The following PCDHGA3 variants were observed in gnomAD, a reference collection of about 807,000 sequenced individuals.
The protein encoded by PCDHGA3 is protocadherin gamma subfamily A, 3.
In PCDHGA3, 40 loss-of-function variants were observed where a neutral mutation model predicts 58.5. The observed-to-expected ratio is 0.68, with a 90% CI of 0.53 to 0.89. The LOEUF (loss-of-function observed/expected upper bound fraction) is 0.89, where lower values mean the gene tolerates loss of function less well. Ranked by LOEUF, PCDHGA3 falls within the 40% of genes least tolerant of loss-of-function variation. The probability of loss-of-function intolerance (pLI) is 0.00; values close to 1 mark genes in which losing one functional copy is unlikely to be tolerated. For synonymous variants in PCDHGA3, 530 were observed against 525.7 expected, an observed-to-expected ratio of 1.01 and a Z score of -0.11; for missense variants, 1,223 against 1,195.9, an observed-to-expected ratio of 1.02 and a Z score of -0.33.
chr5:141,405,822 T>C (rs1055689569), intron 1 of PCDHGA3, among the ~76,000 whole-genome samples: 2 of 151,888 alleles, frequency 1.3e-5, no homozygotes, highest in African/African-American at 4.8e-5. Flanking sequence ...CTGTCTGTAC[T>C]TAAGGTAGTA....
chr5:141,366,268 C>T (rs1426955979), intron 1 of PCDHGA3: 1 of 1,613,718 alleles, frequency 6.2e-7, no homozygotes, highest in Non-Finnish European at 8.5e-7. Flanking sequence ...TGGTGGCCGT[C>T]GAAGACCATG....
intron 1 of PCDHGA3, among the ~76,000 whole-genome samples, chr5:141,457,343 T>C (rs1372992422): frequency 6.6e-6 from 1 of 152,240 alleles, no homozygotes; most frequent in African/African-American, 2.4e-5. Flanking sequence ...TTACTTACTT[T>C]CATTACCTGG....
chr5:141,436,035 A>G (rs957896521), intron 1 of PCDHGA3, among the ~76,000 whole-genome samples: 3 of 152,178 alleles, frequency 2.0e-5, no homozygotes, highest in Non-Finnish European at 4.4e-5. Flanking sequence ...CTAAATTTGT[A>G]TTTACATTAG....
chr5:141,390,118 C>G, intron 1 of PCDHGA3: 2 of 1,614,036 alleles, frequency 1.2e-6, no homozygotes, highest in Non-Finnish European at 1.7e-6. Context: ...AGCGAGGGGA[C>G]TTTGCCTTAT....
chr5:141,360,210 C>G (rs748051773), intron 1 of PCDHGA3: 2 of 1,613,122 alleles, frequency 1.2e-6, no homozygotes, highest in East Asian at 2.2e-5. Flanking sequence ...TGTCTTTGTT[C>G]CCCGGGGCTC....
intron 1 of PCDHGA3, among the ~76,000 whole-genome samples, chr5:141,401,128 G>C (rs1271194736): frequency 6.6e-6 from 1 of 152,166 alleles, no homozygotes; most frequent in African/African-American, 2.4e-5. Context: ...TGGATCACAT[G>C]GTCAGGAGTT....
In PCDHGA3 at chr5:141,485,520, T is replaced by G. The variant is rs2099615008; in HGVS notation, c.2425-9287T>G. On this transcript the variant is annotated intron_variant, in intron 1 of 3. Transcript: ENST00000253812. This position sits in a 1 kb window ranked among gnomAD's most constrained non-coding sequence, Gnocchi z 5.7. ...TTTGTCACCGAAGGTCCTTTGGAAA[T>G]GTACCGAGCAGAGGTAGAGATCGTA... 1 of 1,614,108 alleles carries G rather than the reference T, an allele frequency of 6.2e-7. No homozygotes were observed. The highest frequency in any genetic ancestry group is 8.5e-7 in the Non-Finnish European group (1 of 1,180,012).
At chr5:141,403,638 A>C in intron 1 of PCDHGA3, 1 of 1,613,906 alleles carries the variant, frequency 6.2e-7, no homozygotes, top group East Asian at 2.2e-5. Context: ...GTGCGCATCC[A>C]TGTGACAGTG....
intron 1 of PCDHGA3, chr5:141,403,457 A>G: frequency 6.2e-7 from 1 of 1,613,982 alleles, no homozygotes; most frequent in Non-Finnish European, 8.5e-7. Context: ...CTCCCTCCAG[A>G]GCTACCAGCT....
At chr5:141,374,566 T>A in intron 1 of PCDHGA3, 1 of 1,613,700 alleles carries the variant, frequency 6.2e-7, no homozygotes, top group Non-Finnish European at 8.5e-7. Context: ...ATGACCCTGA[T>A]GTGGGAATGA....
chr5:141,372,280 C>A, intron 1 of PCDHGA3: 2 of 1,613,164 alleles, frequency 1.2e-6, no homozygotes, highest in Non-Finnish European at 1.7e-6. Flanking sequence ...GTGCGCACGG[C>A]GCGTACCTTG....
intron 1 of PCDHGA3, chr5:141,479,743 T>C (rs2154578017): frequency 6.6e-6 from 1 of 152,356 alleles, no homozygotes; most frequent in African/African-American, 2.4e-5. Flanking sequence ...ATATGCACAA[T>C]GTGAAAGGTA....
At position 141,408,408 on chromosome 5, in the gene PCDHGA3, G is replaced by A. The variant is rs376957467; in HGVS notation, c.2424+61951G>A. On this transcript the variant is annotated intron_variant, in intron 1 of 3. Coordinates refer to ENST00000253812, the MANE Select transcript of PCDHGA3 (RefSeq NM_018916.4). The stretch of plus-strand genomic sequence containing the variant: ...GTGTCGGCTCGCAAGCTGCGAGTGA[G>A]CGCGGAGAAGCTGCACTTCAGCGTA... 5 of 1,614,080 alleles carry A rather than the reference G, an allele frequency of 3.1e-6. No homozygotes were observed. The Admixed American group carries it at 5.0e-5, about 16-fold the overall frequency.
At chr5:141,387,300 T>C (rs1171181488) in intron 1 of PCDHGA3, among the ~76,000 whole-genome samples, 1 of 152,224 alleles carries the variant, frequency 6.6e-6, no homozygotes, top group Non-Finnish European at 1.5e-5. Context: ...ATGTATCCAG[T>C]ATATTTCTAA....
intron 1 of PCDHGA3, among the ~76,000 whole-genome samples, chr5:141,439,689 A>G (rs1193986599): frequency 6.6e-6 from 1 of 152,218 alleles, no homozygotes; most frequent in Non-Finnish European, 1.5e-5. Flanking sequence ...CAGACCCACA[A>G]CATTCCTATT....
intron 1 of PCDHGA3, chr5:141,355,214 C>A (rs1561508091): frequency 6.2e-7 from 1 of 1,601,954 alleles, no homozygotes; most frequent in Admixed American, 1.7e-5. Flanking sequence ...GCGGCGCCTC[C>A]TGCTCGCCCA....
rs771088007 is a variant in PCDHGA3 at position 141,423,000 on chromosome 5, G to T, written c.2425-71807G>T. On this transcript the variant is annotated intron_variant, in intron 1 of 3. Coordinates refer to ENST00000253812, the MANE Select transcript of PCDHGA3 (RefSeq NM_018916.4). ...CGGAACCTGGCTACCTGGTGACCAA[G>T]GTGGTTGCGGTGGACAAAGATTCAG... The T allele has an allele frequency of 2.5e-6, 4 of 1,614,116 alleles. No individual in the cohort carries two copies. The African/African-American group carries it at 5.3e-5, about 22-fold the overall frequency.
chr5:141,375,296 G>A lies in PCDHGA3; in HGVS notation c.2424+28839G>A, dbSNP rs1771320516. ...ATCAGTTGGCAATTATTATCGATTA[G>A]TGACAAATGCAGCTCTAGACCGGGA... On this transcript the variant is annotated intron_variant, in intron 1 of 3. Transcript: ENST00000253812. 5 of 1,613,828 alleles carry A rather than the reference G, an allele frequency of 3.1e-6. No homozygotes were observed. The South Asian group carries it at 4.4e-5, about 14-fold the overall frequency.
At chr5:141,376,666 TG>T in intron 1 of PCDHGA3, 2 of 712,058 alleles carry the variant, frequency 2.8e-6, no homozygotes, top group East Asian at 6.0e-5. Context: ...CTTGTTCAGG[TG>T]AGGGTATCGT....
Sources: allele counts gnomAD v4.1 joint callset (sites outside exome capture counted in the v4.1 genomes callset), GRCh38; gene constraint gnomAD v4.1.1; non-coding constraint Gnocchi (gnomAD v3.1); transcripts MANE v1.5; gene names NCBI Gene and HGNC (gene_info 2026-07-23, HGNC 2026-07-21).